Variants in GRID2 observed in about 807,000 individuals in gnomAD.
GRID2 encodes glutamate receptor ionotropic, delta-2.
A neutral mutation model predicts 114.8 loss-of-function variants in GRID2; 33 were observed. The ratio of observed to expected loss-of-function variants is 0.29; its 90% confidence interval spans 0.22 to 0.38. The LOEUF (loss-of-function observed/expected upper bound fraction) is 0.38. GRID2 is among the 10% of genes least tolerant of loss of function. The pLI, the probability that GRID2 is intolerant of heterozygous loss-of-function variation, is 1.00. For synonymous variants in GRID2, 505 were observed against 449.9 expected (o/e 1.12, Z -1.55); for missense variants, 1,184 against 1,257.7 (o/e 0.94, Z 0.89).
intron 1 of GRID2, among the ~76,000 whole-genome samples, chr4:92,521,688 G>C (rs115003180): frequency 6.6e-6 from 1 of 151,942 alleles, no homozygotes; most frequent in Non-Finnish European, 1.5e-5. Context: ...AGCATGATAA[G>C]AGTGACGAAT....
At chr4:92,744,583 CACT>C (rs1293150909) in intron 2 of GRID2, among the ~76,000 whole-genome samples, 1 of 151,962 alleles carries the variant, frequency 6.6e-6, no homozygotes, top group East Asian at 1.9e-4. Context: ...CAACCTCCTC[CACT>C]ACTTTTTACC....
intron 1 of GRID2, among the ~76,000 whole-genome samples, chr4:92,472,180 G>T (rs1474792639): frequency 1.6e-5 from 1 of 61,020 alleles, no homozygotes; most frequent in African/African-American, 9.7e-5. Flanking sequence ...TGATCCGCCC[G>T]CCTCGGCCTC....
chr4:93,003,628 CT>C (rs1398130025), intron 2 of GRID2, among the ~76,000 whole-genome samples: 1 of 151,884 alleles, frequency 6.6e-6, no homozygotes, highest in Non-Finnish European at 1.5e-5. Context: ...AAAAATTAGT[CT>C]GGCCATGTTA....
chr4:92,901,075 C>T (rs560554790), intron 2 of GRID2, among the ~76,000 whole-genome samples: 7 of 151,984 alleles, frequency 4.6e-5, no homozygotes, highest in South Asian at 4.2e-4. Flanking sequence ...TTTTTTTTAG[C>T]GGGGGGATTA....
chr4:93,070,758 C>T (rs1044026098), intron 2 of GRID2, among the ~76,000 whole-genome samples: 4 of 151,898 alleles, frequency 2.6e-5, no homozygotes, highest in Admixed American at 2.0e-4. Context: ...TAAAATATAT[C>T]TTATTACAAG....
chr4:93,671,690 T>C (rs905708652), intron 14 of GRID2, among the ~76,000 whole-genome samples: 13 of 152,078 alleles, frequency 8.5e-5, no homozygotes, highest in African/African-American at 3.1e-4. Flanking sequence ...TGAACCAGGT[T>C]GGGCGCAGTG....
intron 10 of GRID2, among the ~76,000 whole-genome samples, chr4:93,430,786 A>C (rs1171991200): frequency 6.6e-6 from 1 of 152,252 alleles, no homozygotes; most frequent in East Asian, 1.9e-4. Context: ...AGGTAGAGTA[A>C]AGGTAAATTT....
intron 1 of GRID2, among the ~76,000 whole-genome samples, chr4:92,456,376 G>GA (rs950217140): frequency 3.9e-5 from 6 of 151,906 alleles, no homozygotes; most frequent in African/African-American, 1.2e-4. Flanking sequence ...ATTCTGCACG[G>GA]AAAAAAATAT....
intron 2 of GRID2, among the ~76,000 whole-genome samples, chr4:92,646,426 A>G (rs1228265698): frequency 2.0e-5 from 3 of 152,236 alleles, no homozygotes; most frequent in African/African-American, 7.2e-5. Context: ...ATACTGATAA[A>G]CTTTTACCTA....
At position 93,772,422 on chromosome 4, in the gene GRID2, C is replaced by T; in HGVS notation, c.2948C>T (p.Ser983Leu). ...GFFRSPIKTM[S>L]SIPYQPTPTL... ...TTCAGGAGTCCTATAAAAACAATGT[C>T]ATCTATTCCTTATCAACCAACTCCT... Residue 983 changes from serine (S) to leucine (L), a missense_variant, in exon 16 of 16, where the codon TCA (serine) becomes TTA (leucine). Transcript: ENST00000282020. 1.2e-6 allele frequency: 2 copies of T among 1,613,688 alleles called. No homozygotes were observed. The highest frequency in any genetic ancestry group is 1.7e-6 in the Non-Finnish European group (2 of 1,179,712).
intron 1 of GRID2, among the ~76,000 whole-genome samples, chr4:92,536,209 A>G (rs192209444): frequency 6.6e-6 from 1 of 151,114 alleles, no homozygotes; most frequent in Non-Finnish European, 1.5e-5. Flanking sequence ...GTCTGTTTTG[A>G]CAGAGTGCTG....
chr4:93,352,196 G>A (rs534675349), intron 8 of GRID2, among the ~76,000 whole-genome samples: 1 of 152,048 alleles, frequency 6.6e-6, no homozygotes, highest in Non-Finnish European at 1.5e-5. Context: ...GGGACAGGTG[G>A]AGATCATTGA....
intron 10 of GRID2, among the ~76,000 whole-genome samples, chr4:93,431,470 G>A (rs935775466): frequency 6.6e-6 from 1 of 152,120 alleles, no homozygotes; most frequent in African/African-American, 2.4e-5. Context: ...GCTATGACTA[G>A]CAATGTCAGA....
At chr4:93,590,606 C>A (rs997934847) in intron 13 of GRID2, among the ~76,000 whole-genome samples, 11 of 152,082 alleles carry the variant, frequency 7.2e-5, no homozygotes, top group African/African-American at 2.2e-4. Context: ...GCATTGGTAG[C>A]TTGATGGGGA....
At chr4:93,293,853 C>CTAGA (rs1016322822) in intron 8 of GRID2, among the ~76,000 whole-genome samples, 1 of 152,158 alleles carries the variant, frequency 6.6e-6, no homozygotes, top group African/African-American at 2.4e-5. Flanking sequence ...AGGCACTGTA[C>CTAGA]TAGACCCCAA....
chr4:93,494,468 G>C (rs1727329849), intron 12 of GRID2, among the ~76,000 whole-genome samples: 1 of 151,714 alleles, frequency 6.6e-6, no homozygotes, highest in African/African-American at 2.4e-5. Flanking sequence ...TTTTGGGGAA[G>C]CTGAATAATT....
chr4:93,749,973 A>G (rs993621050), intron 14 of GRID2, among the ~76,000 whole-genome samples: 2 of 152,230 alleles, frequency 1.3e-5, no homozygotes, highest in Admixed American at 6.5e-5. Flanking sequence ...AGGTGAAGAG[A>G]TAGGTGCTCA....
Position 93,085,157 on chromosome 4 carries a change from GC to G in GRID2, c.408del (p.Ser136ArgfsTer22). 1 of 1,614,058 alleles carries G rather than the reference GC, an allele frequency of 6.2e-7. No homozygotes were observed. Among genetic ancestry groups the G allele is most frequent in the Non-Finnish European group, 8.5e-7 (1 of 1,180,016 alleles). On this transcript the variant is annotated frameshift_variant, in exon 3 of 16. Transcript: ENST00000282020. LOFTEE classifies it high-confidence loss of function. ...AGGAGTGGCTGTGGACTCACCCGGA[GC>G]AACAGGAATGATGACTACACTCTCT... is the stretch of plus-strand genomic sequence containing the variant. ...TPRSGCGLTR[S>X]NRNDDYTLSV...
chr4:92,869,621 C>G (rs947286186), intron 2 of GRID2, among the ~76,000 whole-genome samples: 1 of 152,108 alleles, frequency 6.6e-6, no homozygotes, highest in African/African-American at 2.4e-5. Flanking sequence ...GCTTATAAAG[C>G]CCGACATTAT....
Sources: allele counts gnomAD v4.1 joint callset (sites outside exome capture counted in the v4.1 genomes callset), GRCh38; gene constraint gnomAD v4.1.1; transcripts MANE v1.5; gene names NCBI Gene and HGNC (gene_info 2026-07-23, HGNC 2026-07-21).